The following FECH variants were observed in gnomAD, a reference collection of about 807,000 sequenced individuals.
FECH encodes the protein ferrochelatase, mitochondrial.
A neutral mutation model predicts 56.9 loss-of-function variants in FECH; 40 were observed. That is an observed-to-expected ratio of 0.70 (90% CI 0.55 to 0.92). The LOEUF (loss-of-function observed/expected upper bound fraction) is 0.92. Among genes scored for constraint, FECH ranks in the 40% least tolerant of loss-of-function variants. FECH has a pLI of 0.00. For missense variants in FECH, 431 were observed against 529.1 expected (o/e 0.81, Z 1.82); for synonymous variants, 175 against 198.6 (o/e 0.88, Z 1.00).
chr18:57,585,967 T>C (rs1285518060), intron 1 of FECH: 1 of 152,712 alleles, frequency 6.5e-6, no homozygotes, highest in Non-Finnish European at 1.5e-5. Flanking sequence ...CATCCTGTGG[T>C]CACAACCTAT....
chr18:57,580,338 G>T, intron 1 of FECH, 139 bp from the exon 2 acceptor site: 1 of 1,219,008 alleles, frequency 8.2e-7, no homozygotes, highest in Non-Finnish European at 1.2e-6. Flanking sequence ...TTTCTCTGCA[G>T]GCAGGTAAAG....
In FECH at chr18:57,562,908, A is replaced by G. The variant is rs1409436248; in HGVS notation, c.671T>C (p.Ile224Thr). 6.2e-7 allele frequency: 1 copy of G among 1,613,996 alleles called. No individual in the cohort carries two copies. The highest frequency in any genetic ancestry group is 8.5e-7 in the Non-Finnish European group (1 of 1,180,026). The change falls in exon 6 of 11, where the codon ATT becomes ACT. Residue 224 changes from isoleucine (I) to threonine (T), a missense_variant. Ile to Thr is a moderately conservative substitution (Grantham distance 89). Transcript: ENST00000262093. Reference protein sequence around the residue: ...GRKPTMKWSTIDRWPTHHLLI... With the variant: ...GRKPTMKWSTTDRWPTHHLLI... ...GAGGTGATGTGTGGGCCACCTGTCAATAGTGCTCCACTTCATCGTGGGCTT... is the reference window on the plus strand; with the variant it reads ...GAGGTGATGTGTGGGCCACCTGTCAGTAGTGCTCCACTTCATCGTGGGCTT...
chr18:57,557,789 C>A (rs1245206384), intron 7 of FECH, among the ~76,000 whole-genome samples: 1 of 151,750 alleles, frequency 6.6e-6, no homozygotes, highest in Non-Finnish European at 1.5e-5. Flanking sequence ...AGAGCAAGAC[C>A]CGTCTCAAAA....
rs572660379 is a variant in FECH at position 57,545,360 on chromosome 18, A to G, written c.*5352T>C. 3.2e-4 allele frequency among the ~76,000 whole-genome samples: 48 copies of G among 152,378 alleles called. No homozygotes were observed. Among genetic ancestry groups the G allele is most frequent in the African/African-American group, 1.1e-3 (46 of 41,594 alleles). On this transcript the variant is annotated 3_prime_UTR_variant, in exon 11 of 11. Transcript: ENST00000262093. ...GAAGCTAATGATTCCAGCTAAAAAC[A>G]ACGAAGCCGGTACTATCACAGTATG...
chr18:57,554,373 GC>G lies in FECH; in HGVS notation c.963del (p.Leu322PhefsTer14). The G allele has an allele frequency of 1.2e-6, 2 of 1,614,186 alleles. No individual in the cohort carries two copies. The highest frequency in any genetic ancestry group is 1.7e-6 in the Non-Finnish European group (2 of 1,180,034). On this transcript the variant is annotated frameshift_variant, in exon 9 of 11. Coordinates refer to ENST00000262093, the MANE Select transcript of FECH (RefSeq NM_000140.5). LOFTEE classifies it high-confidence loss of function. The stretch of plus-strand genomic sequence containing the variant: ...ATATTCTTCCTCCCCCTCTCACAAA[GC>G]CCTTTGATAGATTCGTCTGTTTGAG... ...LGPQTDESIK[G>X]LCERGRKNIL...
intron 2 of FECH, among the ~76,000 whole-genome samples, chr18:57,573,632 C>T (rs1007927646): frequency 1.3e-5 from 2 of 152,142 alleles, no homozygotes; most frequent in African/African-American, 2.4e-5. Context: ...TTTAAAGTCT[C>T]GGCCTGAAGA....
At position 57,546,239 on chromosome 18, in the gene FECH, C is replaced by T. The variant is rs1246927125; in HGVS notation, c.*4473G>A. On this transcript the variant is annotated 3_prime_UTR_variant, in exon 11 of 11. Transcript: ENST00000262093. ...GTGAATTGGAGGTTCTTGGCTGATG[C>T]ACCTGTGCCTTCACGTGCCCCCGTG... Among the ~76,000 whole-genome samples the T allele has an allele frequency of 6.6e-6, 1 of 152,206 alleles. No homozygotes were observed. Among genetic ancestry groups the T allele is most frequent in the Non-Finnish European group, 1.5e-5 (1 of 68,052 alleles).
rs1598968245 is a variant in FECH at position 57,544,688 on chromosome 18, T to G, written c.*6024A>C. Among the ~76,000 whole-genome samples the G allele has an allele frequency of 6.6e-6, 1 of 152,248 alleles. No homozygotes were observed. The highest frequency in any genetic ancestry group is 1.5e-5 in the Non-Finnish European group (1 of 68,038). On this transcript the variant is annotated 3_prime_UTR_variant, in exon 11 of 11. Coordinates refer to ENST00000262093, the MANE Select transcript of FECH (RefSeq NM_000140.5). Reference sequence around the variant, plus strand: ...AAGTTGAATAATAGTTTTCAAATAATGGAAGACTATTCAAGTGTTCAAGTG... The same window carrying G: ...AAGTTGAATAATAGTTTTCAAATAAGGGAAGACTATTCAAGTGTTCAAGTG...
intron 7 of FECH, among the ~76,000 whole-genome samples, chr18:57,556,906 G>A: frequency 1.4e-5 from 1 of 71,926 alleles, no homozygotes; most frequent in East Asian, 4.3e-4. Context: ...GTGAGACCCT[G>A]TCTCAAAAAA....
Position 57,566,545 on chromosome 18 carries a change from T to C in FECH, c.500A>G (p.His167Arg), listed in dbSNP as rs776491258. The part of the protein sequence containing the change: ...HKYYIGFRYV[H>R]PLTEEAIEEM... ...TTCAATTGCTTCTTCTGTTAAAGGA[T>C]GGACGTACCGAAATCCAATATAGTA... The change falls in exon 5 of 11, where the codon CAT becomes CGT. Residue 167 changes from histidine (H) to arginine (R), a missense_variant. By Grantham distance (29) the His-to-Arg change is conservative. Transcript: ENST00000262093. The C allele has an allele frequency of 3.7e-6, 6 of 1,614,204 alleles. No homozygotes were observed. Among genetic ancestry groups the C allele is most frequent in the African/African-American group, 2.7e-5 (2 of 75,048 alleles).
Position 57,549,231 on chromosome 18 carries a change from T to C in FECH, c.*1481A>G, listed in dbSNP as rs1229721793. 6.6e-6 allele frequency: 1 copy of C among 152,208 alleles called. No individual in the cohort carries two copies. Among genetic ancestry groups the C allele is most frequent in the Non-Finnish European group, 1.5e-5 (1 of 68,028 alleles). The allele number at this position is 152,208 out of a possible 1,614,324, so 9.4% of individuals were successfully genotyped here. A position where few individuals can be genotyped will look rare whatever the true frequency, so the allele number is the denominator to read the frequency against. ...TAGGAAAACTATTAACTCAAGTGGA[T>C]GACATGTTTCTTTTCCTGTATTAAA... On this transcript the variant is annotated 3_prime_UTR_variant, in exon 11 of 11. Transcript: ENST00000262093.
chr18:57,576,647 G>T (rs953123254), intron 2 of FECH, among the ~76,000 whole-genome samples: 1 of 152,186 alleles, frequency 6.6e-6, no homozygotes, highest in Non-Finnish European at 1.5e-5. Flanking sequence ...AACAAGAGTG[G>T]CTTTAAAGGG....
intron 1 of FECH, among the ~76,000 whole-genome samples, chr18:57,581,884 T>C (rs537458816): frequency 3.3e-5 from 5 of 152,234 alleles, no homozygotes; most frequent in Admixed American, 1.3e-4. Flanking sequence ...ACCACCCAGA[T>C]TGTACACATT....
At position 57,550,614 on chromosome 18, in the gene FECH, A is replaced by T; in HGVS notation, c.*98T>A. On this transcript the variant is annotated 3_prime_UTR_variant, in exon 11 of 11. Transcript: ENST00000262093. Reference sequence around the variant, plus strand: ...AAGGCTGTATATATATCAAGGAAGGATGACTTCCTTCCTTGATCTCTAAAT... The same window carrying T: ...AAGGCTGTATATATATCAAGGAAGGTTGACTTCCTTCCTTGATCTCTAAAT... 7 of 1,511,574 alleles carry T rather than the reference A, an allele frequency of 4.6e-6. No homozygotes were observed. The highest frequency in any genetic ancestry group is 6.4e-6 in the Non-Finnish European group (7 of 1,094,688). 93.6% of individuals were successfully genotyped at this position (1,511,574 alleles called of 1,614,324 possible).
At chr18:57,559,883 A>C (rs2050919476) in intron 6 of FECH, among the ~76,000 whole-genome samples, 1 of 152,182 alleles carries the variant, frequency 6.6e-6, no homozygotes, top group South Asian at 2.1e-4. Flanking sequence ...AACTTGAGAA[A>C]GAACATGGTT....
Position 57,544,895 on chromosome 18 carries a change from T to C in FECH, c.*5817A>G, listed in dbSNP as rs2122218713. ...TATAACTTAATTTGAAAGATATTAT[T>C]TTAATGATTAACTTGAAATTTTAAC... On this transcript the variant is annotated 3_prime_UTR_variant, in exon 11 of 11. Coordinates refer to ENST00000262093, the MANE Select transcript of FECH (RefSeq NM_000140.5). Among the ~76,000 whole-genome samples the C allele has an allele frequency of 6.6e-6, 1 of 152,366 alleles. No individual in the cohort carries two copies. Among genetic ancestry groups the C allele is most frequent in the African/African-American group, 2.4e-5 (1 of 41,590 alleles).
rs142050349 is a variant in FECH, at chr18:57,561,833, C to T, written c.705+1041G>A. On this transcript the variant is annotated intron_variant, in intron 6 of 10. Coordinates refer to ENST00000262093, the MANE Select transcript of FECH (RefSeq NM_000140.5). ...AAACCCAGGCTGCTGGTGCTTCAGG[C>T]AGTACTGGCTGGACCCAGCAACACA... Among the ~76,000 whole-genome samples the T allele has an allele frequency of 3.2e-3, 484 of 152,330 alleles. 1 individual carries two copies. Among genetic ancestry groups the T allele is most frequent in the Non-Finnish European group, 5.1e-3 (348 of 68,034 alleles).
chr18:57,577,351 A>G (rs1007624649), intron 2 of FECH, among the ~76,000 whole-genome samples: 1 of 152,230 alleles, frequency 6.6e-6, no homozygotes, highest in Non-Finnish European at 1.5e-5. Context: ...GCGGAGTTGA[A>G]TAGCAGCAAA....
Position 57,571,447 on chromosome 18 carries a change from A to T in FECH, c.408T>A (p.Thr136=), listed in dbSNP as rs1302899307. 1.2e-6 allele frequency: 2 copies of T among 1,614,008 alleles called. No individual in the cohort carries two copies. Among genetic ancestry groups the T allele is most frequent in the Non-Finnish European group, 8.5e-7 (1 of 1,180,006 alleles). Residue 136 remains threonine, a synonymous_variant, in exon 4 of 11, where the codon ACT becomes ACA. Coordinates refer to ENST00000262093, the MANE Select transcript of FECH (RefSeq NM_000140.5). Reference sequence around the variant, plus strand: ...TCACCATGCCCTCTCCCTGCTTGGAAGTCCATATCTTGATGGGGGATCCGC... The same window carrying T: ...TCACCATGCCCTCTCCCTGCTTGGATGTCCATATCTTGATGGGGGATCCGC... The part of the protein sequence containing the change: ...IGGGSPIKIW[T]SKQGEGMVKL...
Sources: allele counts gnomAD v4.1 joint callset (sites outside exome capture counted in the v4.1 genomes callset), GRCh38; gene constraint gnomAD v4.1.1; transcripts MANE v1.5; gene names NCBI Gene and HGNC (gene_info 2026-07-23, HGNC 2026-07-21).